Variants in FMN1 observed in about 807,000 individuals in gnomAD.
FMN1 encodes the protein formin-1.
A neutral mutation model predicts 132.4 loss-of-function variants in FMN1; 110 were observed. The ratio of observed to expected loss-of-function variants is 0.83; its 90% CI spans 0.71 to 0.97. The LOEUF is 0.97. FMN1 is among the 50% of genes least tolerant of loss of function. The pLI, the probability that FMN1 is intolerant of heterozygous loss-of-function variation, is 0.00. For synonymous variants in FMN1, 722 were observed against 651.7 expected, an observed-to-expected ratio of 1.11 and a Z score of -1.64; for missense variants, 1,792 against 1,705.3, an observed-to-expected ratio of 1.05 and a Z score of -0.90.
intron 4 of FMN1, among the ~76,000 whole-genome samples, chr15:33,128,507 A>G (rs1042925635): frequency 6.6e-6 from 1 of 152,238 alleles, no homozygotes; most frequent in African/African-American, 2.4e-5. Context: ...CAGAGTCATT[A>G]CACTGAGAAT....
intron 4 of FMN1, among the ~76,000 whole-genome samples, chr15:33,121,524 GGTTTT>G (rs764945548): frequency 7.2e-5 from 11 of 152,036 alleles, no homozygotes; most frequent in South Asian, 2.1e-4. Flanking sequence ...TTGACAAGTT[GGTTTT>G]GTTTTGTTTG....
chr15:32,888,761 A>C (rs1015892432), intron 15 of FMN1, among the ~76,000 whole-genome samples: 3 of 151,758 alleles, frequency 2.0e-5, no homozygotes, highest in African/African-American at 7.3e-5. Flanking sequence ...TCACCCTCCC[A>C]TCACCTTTCC....
chr15:32,951,940 T>G (rs905246939), intron 9 of FMN1, among the ~76,000 whole-genome samples: 1 of 152,176 alleles, frequency 6.6e-6, no homozygotes, highest in African/African-American at 2.4e-5. Flanking sequence ...GGTCAGAAAC[T>G]GGAGCTCAGC....
chr15:32,832,185 C>T (rs1232734585), intron 17 of FMN1, among the ~76,000 whole-genome samples: 2 of 152,102 alleles, frequency 1.3e-5, no homozygotes, highest in East Asian at 1.9e-4. Context: ...CATTTTGCAG[C>T]GATTTGTTAT....
intron 10 of FMN1, among the ~76,000 whole-genome samples, chr15:32,911,973 T>G (rs1311390192): frequency 6.6e-6 from 1 of 152,218 alleles, no homozygotes; most frequent in Non-Finnish European, 1.5e-5. Context: ...TCTAGTGCGT[T>G]GAAAACCAAA....
chr15:32,835,645 T>A (rs911726683), intron 17 of FMN1, among the ~76,000 whole-genome samples: 2 of 152,212 alleles, frequency 1.3e-5, no homozygotes, highest in East Asian at 1.9e-4. Context: ...GGGAATTCTA[T>A]TTCAATCCTC....
At chr15:32,938,772 T>A (rs897452430) in intron 9 of FMN1, among the ~76,000 whole-genome samples, 1 of 152,216 alleles carries the variant, frequency 6.6e-6, no homozygotes, top group African/African-American at 2.4e-5. Context: ...ATTTTAAAAC[T>A]GTTGGCTGAA....
At chr15:32,985,970 T>C (rs1482840006) in intron 7 of FMN1, among the ~76,000 whole-genome samples, 1 of 152,092 alleles carries the variant, frequency 6.6e-6, no homozygotes, top group Non-Finnish European at 1.5e-5. Flanking sequence ...TCCATGTGCA[T>C]CCAAATGTTA....
chr15:32,931,326 G>C (rs1196607696), intron 9 of FMN1, among the ~76,000 whole-genome samples: 2 of 152,168 alleles, frequency 1.3e-5, no homozygotes, highest in Non-Finnish European at 2.9e-5. Flanking sequence ...CCATAAACAT[G>C]AGATGTCTTT....
At chr15:33,106,464 A>C (rs2039492759) in intron 4 of FMN1, among the ~76,000 whole-genome samples, 2 of 151,976 alleles carry the variant, frequency 1.3e-5, no homozygotes, top group South Asian at 4.1e-4. Flanking sequence ...AGGAATTTTG[A>C]GTCATTCTGA....
chr15:32,785,065 G>T (rs559825136), intron 19 of FMN1, among the ~76,000 whole-genome samples: 2 of 150,442 alleles, frequency 1.3e-5, no homozygotes, highest in Non-Finnish European at 3.0e-5. Flanking sequence ...CCCATTCAAC[G>T]TATCTGTGTG....
chr15:32,958,960 T>C (rs2030173902), intron 9 of FMN1, among the ~76,000 whole-genome samples: 1 of 151,338 alleles, frequency 6.6e-6, no homozygotes, highest in South Asian at 2.1e-4. Flanking sequence ...GACAATCGGC[T>C]TGAACCTGGG....
chr15:33,008,777 T>C (rs1203546385), intron 6 of FMN1, among the ~76,000 whole-genome samples: 1 of 152,202 alleles, frequency 6.6e-6, no homozygotes, highest in Non-Finnish European at 1.5e-5. Context: ...AAGACAACTT[T>C]ATTTCCAGCA....
Position 33,082,571 on chromosome 15 carries a change from A to G in FMN1, c.2043+6228T>C, listed in dbSNP as rs968436422. 4.6e-4 allele frequency among the ~76,000 whole-genome samples: 70 copies of G among 152,262 alleles called. 1 individual carries two copies. The highest frequency in any genetic ancestry group is 3.4e-3 in the Middle Eastern group (1 of 294). On this transcript the variant is annotated intron_variant, in intron 5 of 20. Transcript: ENST00000616417. ...GTATCTTCAGGAAACTGCACTTGTT[A>G]TAAGAATTTAGGCCCCAGTGCTTCT...
At chr15:32,948,603 C>T (rs993935130) in intron 9 of FMN1, among the ~76,000 whole-genome samples, 1 of 151,958 alleles carries the variant, frequency 6.6e-6, no homozygotes, top group Non-Finnish European at 1.5e-5. Context: ...CTGTTTTGAT[C>T]ATTCACAGTC....
intron 4 of FMN1, among the ~76,000 whole-genome samples, chr15:33,112,438 G>A (rs1406297288): frequency 5.9e-5 from 9 of 152,096 alleles, no homozygotes; most frequent in South Asian, 2.1e-4. Flanking sequence ...TAAGAAAAGA[G>A]GAACTGTTAT....
chr15:32,969,146 G>C lies in FMN1; in HGVS notation c.2555C>G (p.Ala852Gly). Residue 852 changes from alanine to glycine, a missense_variant, in exon 8 of 21, where the codon GCA becomes GGA. This residue lies in a region of FMN1 where 1,150 missense variants were observed against 1,043.1 expected (regional missense o/e 1.10). Transcript: ENST00000616417. ...SPPNDHKDIH[A>G]ALQPMEGMAS... ...CATGCCCTCCATTGGCTGGAGTGCT[G>C]CATGGATGTCTTTGTGGTCATTTGG... 1.2e-6 allele frequency: 2 copies of C among 1,613,924 alleles called. No homozygotes were observed. The highest frequency in any genetic ancestry group is 1.7e-6 in the Non-Finnish European group (2 of 1,179,860).
chr15:32,834,495 A>T lies in FMN1; in HGVS notation c.3928+22520T>A, dbSNP rs181878485. 2.3e-3 allele frequency among the ~76,000 whole-genome samples: 344 copies of T among 152,320 alleles called. 1 individual carries two copies. The highest frequency in any genetic ancestry group is 8.0e-3 in the African/African-American group (331 of 41,564). On this transcript the variant is annotated intron_variant, in intron 17 of 20. Coordinates refer to ENST00000616417, the MANE Select transcript of FMN1 (RefSeq NM_001277313.2). ...AAAATCAGACAGATAAAACACAAAC[A>T]AAAGACAGAAAACAGGAGCTCAAGG...
Position 32,973,642 on chromosome 15 carries a change from T to G in FMN1, c.2224-4165A>C, listed in dbSNP as rs115012772. Among the ~76,000 whole-genome samples the G allele has an allele frequency of 4.2e-3, 630 of 151,630 alleles. 3 individuals carry two copies. Among genetic ancestry groups the G allele is most frequent in the African/African-American group, 0.015 (603 of 41,196 alleles). On this transcript the variant is annotated intron_variant, in intron 7 of 20. Transcript: ENST00000616417. ...CATAATCTCTCTTGATCATTACAATTTTGTCTTGGTTGTGTTCATGACCTC... is the reference window on the plus strand; with the variant it reads ...CATAATCTCTCTTGATCATTACAATGTTGTCTTGGTTGTGTTCATGACCTC...
Sources: gnomAD v4.1 joint callset for allele counts (sites outside exome capture counted in the v4.1 genomes callset) on GRCh38, gnomAD v4.1.1 for gene constraint, gnomAD v4.1.1 regional missense constraint, MANE v1.5 for transcripts, NCBI Gene and HGNC (gene_info 2026-07-23, HGNC 2026-07-21) for gene names.